Variants in ECSIT observed in about 807,000 individuals in gnomAD.
ECSIT encodes evolutionarily conserved signaling intermediate in Toll pathway, mitochondrial.
In ECSIT, 29 loss-of-function variants were observed where a neutral mutation model predicts 36.8. The observed-to-expected ratio is 0.79, with a 90% CI of 0.59 to 1.08. The LOEUF is 1.08. Among genes scored for constraint, ECSIT ranks in the 50% least tolerant of loss-of-function variants. ECSIT has a pLI of 0.00. For synonymous variants in ECSIT, 231 were observed against 234.8 expected (o/e 0.98, Z 0.15); for missense variants, 542 against 581.0 (o/e 0.93, Z 0.69).
chr19:11,506,062 A>C lies in ECSIT; in HGVS notation c.*122T>G. On this transcript the variant is annotated 3_prime_UTR_variant, in exon 8 of 8. Coordinates refer to ENST00000270517, the MANE Select transcript of ECSIT (RefSeq NM_016581.5). ...CCTGGGGAGGGGATGCCATACTGCT[A>C]GAGATGAGGGAAGAGAGCCCCAAGC... The C allele has an allele frequency of 1.4e-5, 21 of 1,454,412 alleles. No homozygotes were observed. The highest frequency in any genetic ancestry group is 1.9e-5 in the Non-Finnish European group (21 of 1,080,396). 90.1% of individuals were successfully genotyped at this position (1,454,412 alleles called of 1,614,324 possible).
chr19:11,517,269 T>A, intron 2 of ECSIT, among the ~76,000 whole-genome samples: 1 of 144,376 alleles, frequency 6.9e-6, no homozygotes, highest in Admixed American at 6.7e-5. Flanking sequence ...CGTTCTTTGA[T>A]AAGGCAATGT....
At chr19:11,528,899 G>A (rs1178762211) in intron 1 of ECSIT, 163 bp downstream of exon 1, 2 of 152,260 alleles carry the variant, frequency 1.3e-5, no homozygotes, top group Non-Finnish European at 2.9e-5. Context: ...GCTGGCACAA[G>A]ACAGGCGGCC....
At position 11,513,205 on chromosome 19, in the gene ECSIT, A is replaced by G. The variant is rs749613752; in HGVS notation, c.589T>C (p.Leu197=). 6.2e-7 allele frequency: 1 copy of G among 1,614,000 alleles called. No individual in the cohort carries two copies. Among genetic ancestry groups the G allele is most frequent in the African/African-American group, 1.3e-5 (1 of 74,892 alleles). Residue 197 remains leucine, a synonymous_variant, in exon 4 of 8, where the codon TTG becomes CTG. Coordinates refer to ENST00000270517, the MANE Select transcript of ECSIT (RefSeq NM_016581.5). ...FGRKSYPMLK[L]VRLKLWFPRF... is the part of the protein sequence containing the mutation. ...GGGAACCACAGCTTCAGGCGCACCAACTTGAGCATGGGGTAGCTTTTGCGT... is the reference window on the plus strand; with the variant it reads ...GGGAACCACAGCTTCAGGCGCACCAGCTTGAGCATGGGGTAGCTTTTGCGT...
At chr19:11,512,894 G>GA (rs1244993578) in intron 4 of ECSIT, among the ~76,000 whole-genome samples, 162 bp downstream of exon 4, 1 of 152,164 alleles carries the variant, frequency 6.6e-6, no homozygotes, top group Admixed American at 6.5e-5. Flanking sequence ...AGTGAGCCGA[G>GA]ATAGTGCCAC....
chr19:11,522,235 AC>A, intron 1 of ECSIT: 1 of 606,032 alleles, frequency 1.7e-6, no homozygotes, highest in African/African-American at 1.9e-5. Context: ...CCAGAGCAGC[AC>A]CCACAACATG....
intron 2 of ECSIT, among the ~76,000 whole-genome samples, chr19:11,514,610 A>G (rs1322718296): frequency 2.0e-5 from 3 of 151,082 alleles, no homozygotes; most frequent in East Asian, 3.9e-4. Flanking sequence ...GCAGCTTTCA[A>G]CTCCTGGGCT....
At chr19:11,509,349 A>C (rs1336247799) in intron 4 of ECSIT, among the ~76,000 whole-genome samples, 1 of 150,818 alleles carries the variant, frequency 6.6e-6, no homozygotes, top group Non-Finnish European at 1.5e-5. Context: ...TTGGGATTAC[A>C]GGCATAAGCC....
intron 2 of ECSIT, chr19:11,516,449 A>T (rs1402759066): frequency 6.6e-6 from 1 of 152,110 alleles, no homozygotes; most frequent in Non-Finnish European, 1.5e-5. Context: ...GCACCACCGC[A>T]TTGCAGCCTG....
At position 11,519,067 on chromosome 19, in the gene ECSIT, G is replaced by C; in HGVS notation, c.96+8C>G. The C allele has an allele frequency of 6.4e-7, 1 of 1,551,052 alleles. No individual in the cohort carries two copies. Among genetic ancestry groups the C allele is most frequent in the African/African-American group, 1.4e-5 (1 of 73,160 alleles). On this transcript the variant is annotated splice_region_variant and intron_variant, in intron 2 of 7. Transcript: ENST00000270517. This position sits in a 1 kb window ranked among gnomAD's most constrained non-coding sequence, Gnocchi z 4.4. ...CTCTACCCAAAAGACTGCCTGGCTG[G>C]TGCTTACCTGAGAGATGGAGGTTCC...
In ECSIT at chr19:11,523,551, C is replaced by T. The variant is rs1972151606; in HGVS notation, c.-23-4358G>A. The T allele has an allele frequency of 1.4e-5, 15 of 1,073,748 alleles. No homozygotes were observed. The South Asian group carries it at 2.0e-4, about 14-fold the overall frequency. The allele number at this position is 1,073,748 out of a possible 1,614,324, so 66.5% of individuals were successfully genotyped here. On this transcript the variant is annotated intron_variant, in intron 1 of 7. Coordinates refer to ENST00000270517, the MANE Select transcript of ECSIT (RefSeq NM_016581.5). ...CTAGCACGTGGAATCTGTGAAGCTG[C>T]CAAAGCCTTAGACAAGCGCCAAGCC... is the stretch of plus-strand genomic sequence containing the variant.
intron 2 of ECSIT, among the ~76,000 whole-genome samples, chr19:11,514,976 C>T (rs1428504409): frequency 6.6e-6 from 1 of 151,498 alleles, no homozygotes; most frequent in African/African-American, 2.4e-5. Flanking sequence ...GTAAGCTGGA[C>T]TACAGACGTG....
At chr19:11,522,470 C>A (rs1972125562) in intron 1 of ECSIT, 1 of 1,417,958 alleles carries the variant, frequency 7.1e-7, no homozygotes, top group Non-Finnish European at 9.8e-7. Context: ...CCACGCTTCA[C>A]CACCAAAAGG....
chr19:11,506,031 C>G lies in ECSIT; in HGVS notation c.*153G>C. The G allele has an allele frequency of 1.5e-6, 2 of 1,333,460 alleles. No individual in the cohort carries two copies. Among genetic ancestry groups the G allele is most frequent in the Non-Finnish European group, 2.0e-6 (2 of 983,160 alleles). The allele number at this position is 1,333,460 out of a possible 1,614,324, so 82.6% of individuals were successfully genotyped here. On this transcript the variant is annotated 3_prime_UTR_variant, in exon 8 of 8. Coordinates refer to ENST00000270517, the MANE Select transcript of ECSIT (RefSeq NM_016581.5). The stretch of plus-strand genomic sequence containing the variant: ...TCTCGCCTGCCCATCGCTGGCAGCC[C>G]GAGATCCTGGGGAGGGGATGCCATA...
chr19:11,521,083 A>G (rs1972093587), intron 1 of ECSIT, among the ~76,000 whole-genome samples: 1 of 152,296 alleles, frequency 6.6e-6, no homozygotes, highest in Middle Eastern at 3.4e-3. Flanking sequence ...TAGGATTACA[A>G]TCATGCCCGG....
At chr19:11,513,473 C>A (rs1971915496) in intron 3 of ECSIT, among the ~76,000 whole-genome samples, 194 bp from the exon 4 acceptor site, 1 of 150,496 alleles carries the variant, frequency 6.6e-6, no homozygotes, top group African/African-American at 2.5e-5. Context: ...TCACTTGAGT[C>A]CAGGAGTTTG....
intron 2 of ECSIT, among the ~76,000 whole-genome samples, chr19:11,517,940 C>T (rs1972029271): frequency 1.3e-5 from 2 of 151,970 alleles, no homozygotes; most frequent in African/African-American, 4.8e-5. Flanking sequence ...ACAAATCCAC[C>T]GAGCTCATAC....
chr19:11,515,048 A>T (rs987764644), intron 2 of ECSIT, among the ~76,000 whole-genome samples: 2 of 150,944 alleles, frequency 1.3e-5, no homozygotes, highest in African/African-American at 4.9e-5. Context: ...CATGTTGGCC[A>T]GGCTGGTCTC....
chr19:11,508,069 A>G (rs1971794503), intron 4 of ECSIT, 21 bp from the exon 5 acceptor site: 2 of 1,613,766 alleles, frequency 1.2e-6, no homozygotes, highest in South Asian at 1.1e-5. Context: ...GAGTAGGGAT[A>G]TAATCTTGTA....
intron 2 of ECSIT, 100 bp from the exon 3 acceptor site, chr19:11,514,321 G>A: frequency 1.8e-6 from 2 of 1,127,712 alleles, no homozygotes; most frequent in Non-Finnish European, 1.2e-6. Flanking sequence ...TGGCCTCCCT[G>A]AGGACTCGGA....
Sources: allele counts gnomAD v4.1 joint callset (sites outside exome capture counted in the v4.1 genomes callset), GRCh38; gene constraint gnomAD v4.1.1; non-coding constraint Gnocchi (gnomAD v3.1); transcripts MANE v1.5; gene names NCBI Gene and HGNC (gene_info 2026-07-23, HGNC 2026-07-21).